Variants in ZFP90 observed in about 807,000 individuals in gnomAD.
ZFP90 encodes the protein ZFP90 zinc finger protein.
A neutral mutation model predicts 60.8 loss-of-function variants in ZFP90; 38 were observed. The ratio of observed to expected loss-of-function variants is 0.62; its 90% confidence interval spans 0.48 to 0.82. The LOEUF is 0.82. Among genes scored for constraint, ZFP90 ranks in the 40% least tolerant of loss-of-function variants. The pLI, the probability that ZFP90 is intolerant of heterozygous loss-of-function variation, is 0.00. For missense variants in ZFP90, 711 were observed against 759.1 expected, an observed-to-expected ratio of 0.94 and a Z score of 0.74; for synonymous variants, 287 against 264.8, an observed-to-expected ratio of 1.08 and a Z score of -0.82.
At chr16:68,562,732 A>T (rs2091456667) in intron 4 of ZFP90, 1 of 521,038 alleles carries the variant, frequency 1.9e-6, no homozygotes, top group Non-Finnish European at 3.4e-6. Context: ...ATAGGATCCT[A>T]AGATGGGCTG....
At chr16:68,575,535 C>CAAAAAAAAAAAAA (rs34872149) in intron 2 of ZFP90, among the ~76,000 whole-genome samples, 2 of 82,372 alleles carry the variant, frequency 2.4e-5, no homozygotes, top group African/African-American at 4.0e-5. Flanking sequence ...TGTGAGTATG[C>CAAAAAAAAAAAAA]AAAAAAAAAA....
chr16:68,544,984 A>G (rs1233299126), intron 2 of ZFP90, among the ~76,000 whole-genome samples: 3 of 142,838 alleles, frequency 2.1e-5, no homozygotes, highest in Non-Finnish European at 4.5e-5. Flanking sequence ...GGTTCAAGCG[A>G]TTCTCCCGCC....
At chr16:68,541,647 GGGATGAGCCTTAA>G (rs1380494670) in intron 2 of ZFP90, among the ~76,000 whole-genome samples, 6 of 152,052 alleles carry the variant, frequency 3.9e-5, no homozygotes, top group Admixed American at 3.9e-4. Flanking sequence ...TGTTTTTACA[GGGATGAGCCTTAA>G]GGAGTAAGAC....
downstream of ZFP90, among the ~76,000 whole-genome samples, chr16:68,568,626 G>T: frequency 6.6e-6 from 1 of 152,206 alleles, no homozygotes; most frequent in South Asian, 2.1e-4. Flanking sequence ...GTTTTAAAGA[G>T]TAAAAATATG....
chr16:68,573,660 A>G (rs913980463), intron 2 of ZFP90: 1 of 152,224 alleles, frequency 6.6e-6, no homozygotes, highest in African/African-American at 2.4e-5. Context: ...ACCAGTTTAC[A>G]ATTAATAATA....
In ZFP90 at chr16:68,566,229, C is replaced by T. The variant is rs1447823955; in HGVS notation, c.*1531C>T. The T allele has an allele frequency of 2.0e-6, 2 of 985,486 alleles. No individual in the cohort carries two copies. Among genetic ancestry groups the T allele is most frequent in the Non-Finnish European group, 2.4e-6 (2 of 829,972 alleles). The allele number at this position is 985,486 out of a possible 1,614,324, so 61.0% of individuals were successfully genotyped here. A position where few individuals can be genotyped will look rare whatever the true frequency, so the allele number is the denominator to read the frequency against. On this transcript the variant is annotated 3_prime_UTR_variant, in exon 5 of 5. Coordinates refer to ENST00000563169, the MANE Select transcript of ZFP90 (RefSeq NM_001305203.2). Reference sequence around the variant, plus strand: ...TCCCCTAATGACTCCCATGGGCTATCCTAAAGGAACTTCCAGAACCTTTGT... The same window carrying T: ...TCCCCTAATGACTCCCATGGGCTATTCTAAAGGAACTTCCAGAACCTTTGT...
chr16:68,550,567 T>A (rs1181736417), intron 2 of ZFP90, among the ~76,000 whole-genome samples: 1 of 152,230 alleles, frequency 6.6e-6, no homozygotes, highest in Non-Finnish European at 1.5e-5. Flanking sequence ...GTATTTTGCT[T>A]AATCACACAT....
intron 2 of ZFP90, among the ~76,000 whole-genome samples, chr16:68,547,762 C>G (rs1042033740): frequency 2.0e-5 from 3 of 151,760 alleles, no homozygotes; most frequent in Admixed American, 6.6e-5. Context: ...GAAATTTTTA[C>G]TATTATACAT....
At chr16:68,536,278 T>C (rs1333099967), upstream of ZFP90, among the ~76,000 whole-genome samples, 1 of 152,164 alleles carries the variant, frequency 6.6e-6, no homozygotes, top group African/African-American at 2.4e-5. Context: ...CCTTCCGCAC[T>C]AGGTGGAAGG....
intron 2 of ZFP90, among the ~76,000 whole-genome samples, chr16:68,554,903 C>CT (rs2091319370): frequency 6.6e-6 from 1 of 152,200 alleles, no homozygotes; most frequent in African/African-American, 2.4e-5. Context: ...GACAATATGT[C>CT]TAGAGGGTAG....
chr16:68,563,139 G>C lies in ZFP90; in HGVS notation c.352G>C (p.Glu118Gln). The C allele has an allele frequency of 6.2e-7, 1 of 1,614,080 alleles. No homozygotes were observed. Among genetic ancestry groups the C allele is most frequent in the Non-Finnish European group, 8.5e-7 (1 of 1,180,006 alleles). ...CTHDLLHATL[E>Q]DSWDVSSQLD... Reference sequence around the variant, plus strand: ...ACATGATCTCTTACATGCTACATTAGAAGACTCCTGGGATGTTAGCAGCCA... The same window carrying C: ...ACATGATCTCTTACATGCTACATTACAAGACTCCTGGGATGTTAGCAGCCA... The change falls in exon 5 of 5, where the codon GAA becomes CAA. Residue 118 changes from glutamate (E) to glutamine (Q), a missense_variant. Glu to Gln is a conservative substitution (Grantham distance 29). Coordinates refer to ENST00000563169, the MANE Select transcript of ZFP90 (RefSeq NM_001305203.2).
At chr16:68,537,604 C>T (rs149211594), upstream of ZFP90, among the ~76,000 whole-genome samples, 19 of 152,282 alleles carry the variant, frequency 1.2e-4, no homozygotes, top group South Asian at 6.2e-4. Context: ...CTCGCTTTGT[C>T]GCCCAGGTCG....
chr16:68,550,602 A>G (rs934378339), intron 2 of ZFP90, among the ~76,000 whole-genome samples: 1 of 152,196 alleles, frequency 6.6e-6, no homozygotes, highest in African/African-American at 2.4e-5. Context: ...GCTACATTGC[A>G]AGTGTGACTT....
chr16:68,539,467 G>T lies in ZFP90; in HGVS notation c.-48G>T. 2.5e-6 allele frequency: 1 copy of T among 401,134 alleles called. No individual in the cohort carries two copies. The highest frequency in any genetic ancestry group is 7.2e-5 in the South Asian group (1 of 13,860). The allele number at this position is 401,134 out of a possible 1,614,324, so 24.8% of individuals were successfully genotyped here. Reference sequence around the variant, plus strand: ...TCGCGAAATCCGGAGCCCCCCAGAGGCGGTGATTCTGAGTGCGCGGGTCTG... The same window carrying T: ...TCGCGAAATCCGGAGCCCCCCAGAGTCGGTGATTCTGAGTGCGCGGGTCTG... On this transcript the variant is annotated 5_prime_UTR_variant, in exon 1 of 5. Transcript: ENST00000563169.
At chr16:68,544,915 A>G (rs367980457) in intron 2 of ZFP90, among the ~76,000 whole-genome samples, 5 of 113,546 alleles carry the variant, frequency 4.4e-5, no homozygotes, top group Non-Finnish European at 8.4e-5. Context: ...ATGGAGTCTC[A>G]TTCTGTTGCG....
rs938652269 is a variant in ZFP90, at chr16:68,539,365, C to G, written c.-150C>G. On this transcript the variant is annotated 5_prime_UTR_variant, in exon 1 of 5. Coordinates refer to ENST00000563169, the MANE Select transcript of ZFP90 (RefSeq NM_001305203.2). ...CTGAGGCCCCTTTGGGCAGCCCCTC[C>G]GCAGATCAGAATTGGAGATAACCGA... The G allele has an allele frequency of 4.7e-6, 1 of 213,028 alleles. No individual in the cohort carries two copies. The highest frequency in any genetic ancestry group is 2.3e-5 in the African/African-American group (1 of 43,896). 13.2% of individuals were successfully genotyped at this position (213,028 alleles called of 1,614,324 possible).
At chr16:68,560,539 TTA>T (rs768829440) in intron 4 of ZFP90, among the ~76,000 whole-genome samples, 49,406 of 109,286 alleles carry the variant, frequency 0.45, 8,663 homozygotes, top group Admixed American at 0.49. Context: ...ACACTGGATT[TTA>T]TTTATTTATT....
intron 3 of ZFP90, 83 bp downstream of exon 3, chr16:68,558,207 G>A (rs1473680172): frequency 2.5e-6 from 4 of 1,579,770 alleles, no homozygotes; most frequent in Admixed American, 3.5e-5. Flanking sequence ...CCAGAGCTTA[G>A]GTAACTGTGA....
downstream of ZFP90, among the ~76,000 whole-genome samples, chr16:68,569,493 T>A (rs889129039): frequency 6.6e-6 from 1 of 152,320 alleles, no homozygotes; most frequent in South Asian, 2.1e-4. Context: ...ATCCAGTCAT[T>A]GTCCCACTCT....
Sources: allele counts gnomAD v4.1 joint callset (sites outside exome capture counted in the v4.1 genomes callset), GRCh38; gene constraint gnomAD v4.1.1; transcripts MANE v1.5; gene names NCBI Gene and HGNC (gene_info 2026-07-23, HGNC 2026-07-21).